The following NDE1 variants were observed in gnomAD, a reference collection of about 807,000 sequenced individuals.
NDE1 encodes the protein nuclear distribution protein nudE homolog 1.
NDE1 carries 28 observed loss-of-function variants against 43.4 expected under a neutral mutation model. That is an observed-to-expected ratio of 0.65 (90% CI 0.48 to 0.89). NDE1 has a LOEUF of 0.89. NDE1 is among the 40% of genes least tolerant of loss of function. The pLI is 0.00. For missense variants in NDE1, 441 were observed against 434.1 expected, an observed-to-expected ratio of 1.02 and a Z score of -0.14; for synonymous variants, 184 against 172.0, an observed-to-expected ratio of 1.07 and a Z score of -0.55.
intron 3 of NDE1, among the ~76,000 whole-genome samples, chr16:15,675,834 A>G (rs955859436): frequency 6.6e-6 from 1 of 152,176 alleles, no homozygotes; most frequent in Non-Finnish European, 1.5e-5. Context: ...GCTGGTTAGC[A>G]TAATTGCTTA....
intron 4 of NDE1, among the ~76,000 whole-genome samples, 165 bp downstream of exon 4, chr16:15,678,114 C>A (rs949926373): frequency 2.6e-5 from 4 of 152,062 alleles, no homozygotes; most frequent in Non-Finnish European, 5.9e-5. Flanking sequence ...GGACAATAGT[C>A]GAAGAAGTGC....
intron 1 of NDE1, among the ~76,000 whole-genome samples, chr16:15,650,599 G>A (rs1399281583): frequency 2.0e-5 from 3 of 152,160 alleles, no homozygotes; most frequent in African/African-American, 7.2e-5. Context: ...TTCTGCGTTG[G>A]TCTCTCTCCC....
At chr16:15,706,121 C>T (rs1195620829) in intron 8 of NDE1, among the ~76,000 whole-genome samples, 2 of 151,930 alleles carry the variant, frequency 1.3e-5, no homozygotes, top group African/African-American at 4.8e-5. Flanking sequence ...AAGGATGGGA[C>T]TTCCCGCAGT....
At chr16:15,707,820 A>C (rs1024140548) in intron 8 of NDE1, among the ~76,000 whole-genome samples, 4 of 152,152 alleles carry the variant, frequency 2.6e-5, no homozygotes, top group Non-Finnish European at 5.9e-5. Flanking sequence ...AAAAATACAA[A>C]AATTAGCTGG....
At chr16:15,708,954 T>A in intron 8 of NDE1, 1 of 1,143,870 alleles carries the variant, frequency 8.7e-7, no homozygotes, top group African/African-American at 1.5e-5. Context: ...TTAAAGGCAC[T>A]CTTTTTTATT....
At chr16:15,715,315 C>T (rs1334976687) in intron 8 of NDE1, 2 of 1,600,108 alleles carry the variant, frequency 1.2e-6, no homozygotes, top group Admixed American at 3.3e-5. Flanking sequence ...CGGAGGGTGG[C>T]ACCCCTTGTA....
intron 1 of NDE1, 109 bp from the exon 2 acceptor site, chr16:15,664,627 T>G: frequency 1.5e-6 from 1 of 685,604 alleles, no homozygotes; most frequent in Non-Finnish European, 2.6e-6. Flanking sequence ...AGTGCTGGGA[T>G]TATAGGCGTG....
intron 4 of NDE1, among the ~76,000 whole-genome samples, chr16:15,679,106 A>G (rs2038041498): frequency 6.6e-6 from 1 of 151,966 alleles, no homozygotes. Context: ...AAACAACAAA[A>G]AAACAAAAAA....
intron 1 of NDE1, among the ~76,000 whole-genome samples, chr16:15,659,935 G>A (rs911492552): frequency 1.3e-5 from 2 of 151,760 alleles, no homozygotes; most frequent in East Asian, 3.9e-4. Flanking sequence ...TTTTAGTAGA[G>A]ATGGGGTTTC....
intron 8 of NDE1, among the ~76,000 whole-genome samples, chr16:15,719,921 G>T (rs577488466): frequency 6.6e-6 from 1 of 152,308 alleles, no homozygotes; most frequent in East Asian, 1.9e-4. Context: ...TGCCTGAGAA[G>T]CTGAGCCCCT....
At chr16:15,684,959 C>G (rs978870765) in intron 4 of NDE1, among the ~76,000 whole-genome samples, 8 of 152,212 alleles carry the variant, frequency 5.3e-5, no homozygotes, top group African/African-American at 1.9e-4. Context: ...TTCCTCTGAT[C>G]ATTCTTGTTT....
At chr16:15,718,495 C>T in intron 8 of NDE1, 1 of 1,534,710 alleles carries the variant, frequency 6.5e-7, no homozygotes, top group South Asian at 1.2e-5. Flanking sequence ...TAAAAGATGC[C>T]CCCTCCTTGG....
At chr16:15,691,378 A>G in intron 6 of NDE1, 55 bp downstream of exon 6, 3 of 1,581,646 alleles carry the variant, frequency 1.9e-6, no homozygotes, top group Non-Finnish European at 2.6e-6. Context: ...TTTCTGGGTA[A>G]GAATCTGGGG....
rs190309752 is a variant in NDE1, at chr16:15,651,729, C to T, written c.-44+1435C>T. The T allele has an allele frequency of 8.9e-3, 1,356 of 151,790 alleles. 72 individuals carry two copies. The highest frequency in any genetic ancestry group is 0.081 in the Admixed American group (1,237 of 15,210). The allele number at this position is 151,790 out of a possible 1,614,324, so 9.4% of individuals were successfully genotyped here. On this transcript the variant is annotated intron_variant, in intron 1 of 8. Coordinates refer to ENST00000396354, the MANE Select transcript of NDE1 (RefSeq NM_017668.3). ...TGCTGGGATTACAGGCGTGAGCCAC[C>T]GTGCCGGCCTACAACCCATTTTGAG... is the stretch of plus-strand genomic sequence containing the variant.
chr16:15,694,510 T>C (rs972718767), intron 7 of NDE1: 3 of 1,207,376 alleles, frequency 2.5e-6, no homozygotes. Context: ...TATGCCTGGC[T>C]GATACTTTCA....
intron 8 of NDE1, among the ~76,000 whole-genome samples, chr16:15,715,710 A>G (rs993395816): frequency 6.6e-6 from 1 of 152,112 alleles, no homozygotes. Context: ...TCTTCACCCT[A>G]GTTCATAGTT....
chr16:15,685,152 TA>T, intron 4 of NDE1, among the ~76,000 whole-genome samples: 1 of 152,368 alleles, frequency 6.6e-6, no homozygotes, highest in Admixed American at 6.5e-5. Flanking sequence ...TACATATTAT[TA>T]TGTGAATATT....
rs11130 is a variant in NDE1, at chr16:15,724,453, G to A, written c.*202G>A. ...GGGTAGGGTGAGAGGGGGACCATGA[G>A]TGGCCCCTGTCCCTGGCCCCACAGA... On this transcript the variant is annotated 3_prime_UTR_variant, in exon 9 of 9. Coordinates refer to ENST00000396354, the MANE Select transcript of NDE1 (RefSeq NM_017668.3). 0.53 allele frequency: 849,171 copies of A among 1,610,702 alleles called. 227,534 individuals are homozygous for A. Among genetic ancestry groups the A allele is most frequent in the Middle Eastern group, 0.66 (3,370 of 5,092 alleles).
chr16:15,691,411 T>G lies in NDE1; in HGVS notation c.703+88T>G, dbSNP rs1322637583. 5 of 1,437,640 alleles carry G rather than the reference T, an allele frequency of 3.5e-6. No homozygotes were observed. The East Asian group carries it at 9.8e-5, about 28-fold the overall frequency. The allele number at this position is 1,437,640 out of a possible 1,614,324, so 89.1% of individuals were successfully genotyped here. A position where few individuals can be genotyped will look rare whatever the true frequency, so the allele number is the denominator to read the frequency against. On this transcript the variant is annotated intron_variant, in intron 6 of 8. Coordinates refer to ENST00000396354, the MANE Select transcript of NDE1 (RefSeq NM_017668.3). ...GGGTGGGTCCTGGGGGTGTGATGAT[T>G]TGCATCAGGCTCAGAGCCTGATTTG...
Sources: allele counts gnomAD v4.1 joint callset (sites outside exome capture counted in the v4.1 genomes callset), GRCh38; gene constraint gnomAD v4.1.1; transcripts MANE v1.5; gene names NCBI Gene and HGNC (gene_info 2026-07-23, HGNC 2026-07-21).